DLG2: variants seen among roughly 807,000 people sequenced by gnomAD.
The protein encoded by DLG2 is discs large MAGUK scaffold protein 2.
In DLG2, 45 loss-of-function variants were observed where a neutral mutation model predicts 132.5. The observed-to-expected ratio is 0.34, with a 90% CI of 0.27 to 0.44. The LOEUF (loss-of-function observed/expected upper bound fraction) is 0.44, where lower values mean the gene tolerates loss of function less well. Among genes scored for constraint, DLG2 ranks in the 20% least tolerant of loss-of-function variants. The pLI is 1.00. For synonymous variants in DLG2, 424 were observed against 419.6 expected, an observed-to-expected ratio of 1.01 and a Z score of -0.13; for missense variants, 1,045 against 1,196.9, an observed-to-expected ratio of 0.87 and a Z score of 1.87.
chr11:84,467,361 T>C lies in DLG2; in HGVS notation c.519+67209A>G, dbSNP rs572237217. 2.0e-5 allele frequency among the ~76,000 whole-genome samples: 3 copies of C among 151,432 alleles called. No homozygotes were observed. In the East Asian group the frequency reaches 5.8e-4, roughly 29 times the overall value. On this transcript the variant is annotated intron_variant, in intron 7 of 27. Transcript: ENST00000376104. ...GCAGTAAGTCATAGAAATAACATTT[T>C]AAGATAATGAAAGAAAACTTATTTA...
At chr11:85,302,361 G>C (rs2079640214) in intron 3 of DLG2, among the ~76,000 whole-genome samples, 2 of 152,104 alleles carry the variant, frequency 1.3e-5, no homozygotes. Flanking sequence ...ATTACAATTT[G>C]GCTTTCTTTT....
chr11:84,540,560 T>G (rs1384485301), intron 6 of DLG2, among the ~76,000 whole-genome samples: 1 of 152,122 alleles, frequency 6.6e-6, no homozygotes, highest in Non-Finnish European at 1.5e-5. Flanking sequence ...GGAGACGATG[T>G]GGAGAAATAG....
intron 9 of DLG2, among the ~76,000 whole-genome samples, chr11:84,133,616 A>G (rs2094497667): frequency 8.7e-6 from 1 of 115,310 alleles, no homozygotes; most frequent in African/African-American, 3.3e-5. Context: ...CTTGAGAGAG[A>G]ATAATTTTTT....
At chr11:85,049,549 C>G (rs1268365311) in intron 6 of DLG2, among the ~76,000 whole-genome samples, 1 of 151,984 alleles carries the variant, frequency 6.6e-6, no homozygotes, top group Non-Finnish European at 1.5e-5. Context: ...ACACTAGATG[C>G]CAGTAATTAT....
rs565087723 is a variant in DLG2, at chr11:83,587,809, C to T, written c.1940+45402G>A. On this transcript the variant is annotated intron_variant, in intron 19 of 27. Transcript: ENST00000376104. ...GCACCGTGCGCGAGCCGAAGCAGGG[C>T]GAGGCATTGCCTCACTTGGGAAGTG... Among the ~76,000 whole-genome samples, 506 of 152,280 alleles carry T rather than the reference C, an allele frequency of 3.3e-3. 4 individuals are homozygous for T. Among genetic ancestry groups the T allele is most frequent in the Middle Eastern group, 0.017 (5 of 294 alleles).
chr11:83,513,216 T>C (rs953049356), intron 21 of DLG2, among the ~76,000 whole-genome samples: 1 of 152,230 alleles, frequency 6.6e-6, no homozygotes, highest in Admixed American at 6.5e-5. Context: ...TTTTTAATCA[T>C]CGCCATTCTA....
chr11:84,858,880 T>G (rs545876110), intron 6 of DLG2, among the ~76,000 whole-genome samples: 1 of 152,000 alleles, frequency 6.6e-6, no homozygotes, highest in African/African-American at 2.4e-5. Context: ...AATATACACA[T>G]TTTAAAACTA....
intron 20 of DLG2, among the ~76,000 whole-genome samples, chr11:83,541,280 T>C (rs1167112141): frequency 6.6e-6 from 1 of 152,178 alleles, no homozygotes; most frequent in Non-Finnish European, 1.5e-5. Context: ...GCCTAGTAAA[T>C]TGCCTACTTC....
At chr11:84,096,495 T>C (rs1393312288) in intron 10 of DLG2, among the ~76,000 whole-genome samples, 2 of 152,146 alleles carry the variant, frequency 1.3e-5, no homozygotes, top group African/African-American at 4.8e-5. Flanking sequence ...TTCTTAATTG[T>C]AGAGCAAACA....
At chr11:84,996,757 T>A (rs1010940799) in intron 6 of DLG2, among the ~76,000 whole-genome samples, 1 of 152,194 alleles carries the variant, frequency 6.6e-6, no homozygotes, top group African/African-American at 2.4e-5. Context: ...TACAGCAACA[T>A]GGACTTGGTT....
intron 6 of DLG2, among the ~76,000 whole-genome samples, chr11:84,940,769 T>C (rs184551672): frequency 6.6e-6 from 1 of 152,344 alleles, no homozygotes; most frequent in East Asian, 1.9e-4. Context: ...TGGTTGCCTG[T>C]GCTTTTGAGA....
At chr11:84,950,371 A>G (rs990980813) in intron 6 of DLG2, among the ~76,000 whole-genome samples, 3 of 152,204 alleles carry the variant, frequency 2.0e-5, no homozygotes, top group African/African-American at 7.2e-5. Flanking sequence ...TCTCATTACT[A>G]GAAAAGTAAA....
At chr11:83,853,885 A>G (rs1053595511) in intron 16 of DLG2, among the ~76,000 whole-genome samples, 1 of 152,156 alleles carries the variant, frequency 6.6e-6, no homozygotes, top group Non-Finnish European at 1.5e-5. Context: ...AGTTAATACA[A>G]TCAGACAAGA....
intron 4 of DLG2, among the ~76,000 whole-genome samples, chr11:85,196,110 G>C (rs1158700863): frequency 6.6e-6 from 1 of 152,084 alleles, no homozygotes; most frequent in East Asian, 1.9e-4. Flanking sequence ...TATACTTAGG[G>C]AAACAAAGCA....
intron 20 of DLG2, among the ~76,000 whole-genome samples, chr11:83,540,863 G>C (rs1025772247): frequency 5.3e-5 from 8 of 152,080 alleles, no homozygotes; most frequent in African/African-American, 9.7e-5. Context: ...TAGTCTCTGG[G>C]ATACAGCCAA....
At chr11:83,826,610 T>C (rs2052858975) in intron 17 of DLG2, among the ~76,000 whole-genome samples, 1 of 152,182 alleles carries the variant, frequency 6.6e-6, no homozygotes, top group East Asian at 1.9e-4. Context: ...TAAATTTAAC[T>C]GGTCAGATTT....
chr11:84,195,828 A>C (rs1473957578), intron 8 of DLG2, among the ~76,000 whole-genome samples: 1 of 152,140 alleles, frequency 6.6e-6, no homozygotes, highest in Non-Finnish European at 1.5e-5. Flanking sequence ...ATTATAATAA[A>C]TTATGTGTGT....
chr11:83,648,396 C>CTTCTG (rs2068919230), intron 18 of DLG2, among the ~76,000 whole-genome samples: 1 of 152,096 alleles, frequency 6.6e-6, no homozygotes, highest in African/African-American at 2.4e-5. Flanking sequence ...GACTATGCCT[C>CTTCTG]TTCTGCCTCT....
At chr11:84,837,098 A>C (rs1200059030) in intron 6 of DLG2, among the ~76,000 whole-genome samples, 1 of 151,840 alleles carries the variant, frequency 6.6e-6, no homozygotes, top group Non-Finnish European at 1.5e-5. Context: ...CCTATGAGTG[A>C]GAACATATAA....
Sources: allele counts gnomAD v4.1 joint callset (sites outside exome capture counted in the v4.1 genomes callset), GRCh38; gene constraint gnomAD v4.1.1; transcripts MANE v1.5; gene names NCBI Gene and HGNC (gene_info 2026-07-23, HGNC 2026-07-21).